RASGRF1: variants seen among roughly 807,000 people sequenced by gnomAD.
The protein encoded by RASGRF1 is Ras protein specific guanine nucleotide releasing factor 1.
In RASGRF1, 40 loss-of-function variants were observed where a neutral mutation model predicts 138.7. The observed-to-expected ratio is 0.29, with a 90% confidence interval of 0.22 to 0.38. The LOEUF (loss-of-function observed/expected upper bound fraction) is 0.38, where lower values mean the gene tolerates loss of function less well. RASGRF1 is among the 10% of genes least tolerant of loss of function. The probability of loss-of-function intolerance (pLI) is 1.00; values close to 1 mark genes in which losing one functional copy is unlikely to be tolerated. For missense variants in RASGRF1, 1,108 were observed against 1,650.4 expected, an observed-to-expected ratio of 0.67 and a Z score of 5.69; for synonymous variants, 614 against 663.2, an observed-to-expected ratio of 0.93 and a Z score of 1.14.
chr15:79,017,760 C>T lies in RASGRF1; in HGVS notation c.1743+10G>A, dbSNP rs186387242. 2.4e-3 allele frequency: 3,814 copies of T among 1,595,658 alleles called. 13 individuals are homozygous for T. The highest frequency in any genetic ancestry group is 2.9e-3 in the Non-Finnish European group (3,381 of 1,172,916). On this transcript the variant is annotated intron_variant, in intron 12 of 26. Coordinates refer to ENST00000558480, the MANE Select transcript of RASGRF1 (RefSeq NM_001145648.3). The stretch of plus-strand genomic sequence containing the variant: ...ACCACTCGCTTTCAGGAACAGGTGA[C>T]GCTACTCACCTGGCTGATGTCACTG...
In RASGRF1 at chr15:78,980,666, C is replaced by A. The variant is rs76319236; in HGVS notation, c.3448G>T (p.Val1150Leu). The A allele has an allele frequency of 1.2e-6, 2 of 1,607,528 alleles. No individual in the cohort carries two copies. The highest frequency in any genetic ancestry group is 2.2e-5 in the East Asian group (1 of 44,688). Reference sequence around the variant, plus strand: ...TTCTTAAATCTGCCCTCAGATGACACAAGCTTTTGGAGCTTATCAATCAAA... The same window carrying A: ...TTCTTAAATCTGCCCTCAGATGACAAAAGCTTTTGGAGCTTATCAATCAAA... Reference protein sequence around the residue: ...KALIDKLQKLVSSEGRFKNLR... With the variant: ...KALIDKLQKLLSSEGRFKNLR... Residue 1150 changes from valine to leucine, a missense_variant, in exon 24 of 27, where the codon GTG becomes TTG. Val to Leu is a conservative substitution (Grantham distance 32, BLOSUM62 1). Transcript: ENST00000558480.
chr15:78,998,855 G>A, intron 17 of RASGRF1, 30 bp from the exon 18 acceptor site: 2 of 1,532,018 alleles, frequency 1.3e-6, no homozygotes, highest in Non-Finnish European at 1.8e-6. Context: ...AGGGGAGAGA[G>A]GACAGGTGAG....
intron 1 of RASGRF1, among the ~76,000 whole-genome samples, chr15:79,076,641 G>T (rs561317889): frequency 6.6e-6 from 1 of 152,210 alleles, no homozygotes; most frequent in Non-Finnish European, 1.5e-5. Context: ...AGTGGCAAGA[G>T]GTGGTGATGG....
intron 5 of RASGRF1, among the ~76,000 whole-genome samples, chr15:79,044,245 C>T (rs2057330944): frequency 6.6e-6 from 1 of 152,172 alleles, no homozygotes; most frequent in South Asian, 2.1e-4. Flanking sequence ...TCAAGTCCCA[C>T]TCTCATCTTT....
intron 6 of RASGRF1, among the ~76,000 whole-genome samples, chr15:79,033,233 T>C (rs562424162): frequency 6.6e-6 from 1 of 152,302 alleles, no homozygotes; most frequent in Non-Finnish European, 1.5e-5. Context: ...ATGTGAAACA[T>C]CTTCCTTATC....
Position 79,015,944 on chromosome 15 carries a change from GGC to G in RASGRF1, c.1744-537_1744-536del, listed in dbSNP as rs532465126. 3.4e-3 allele frequency among the ~76,000 whole-genome samples: 511 copies of G among 152,326 alleles called. 6 individuals are homozygous for G. Among genetic ancestry groups the G allele is most frequent in the African/African-American group, 0.012 (490 of 41,580 alleles). On this transcript the variant is annotated intron_variant, in intron 12 of 26. Transcript: ENST00000558480. ...CCATATGAAGAGTCCATGGGTGTGGGGCCCTGGAGAAGGCAAGGCTGCTGGCG... is the reference window on the plus strand; with the variant it reads ...CCATATGAAGAGTCCATGGGTGTGGGCCTGGAGAAGGCAAGGCTGCTGGCG...
intron 20 of RASGRF1, 131 bp downstream of exon 20, chr15:78,995,609 G>A (rs572307714): frequency 9.2e-5 from 105 of 1,142,378 alleles, no homozygotes; most frequent in Middle Eastern, 2.0e-4. Context: ...GTTTTAAGCC[G>A]CCCAGTTTGT....
Position 79,027,938 on chromosome 15 carries a change from C to A in RASGRF1, c.1263-79G>T. 7.1e-7 allele frequency: 1 copy of A among 1,416,188 alleles called. No individual in the cohort carries two copies. The highest frequency in any genetic ancestry group is 9.9e-7 in the Non-Finnish European group (1 of 1,007,286). 87.7% of individuals were successfully genotyped at this position (1,416,188 alleles called of 1,614,324 possible). A position where few individuals can be genotyped will look rare whatever the true frequency, so the allele number is the denominator to read the frequency against. On this transcript the variant is annotated intron_variant, in intron 8 of 26. Transcript: ENST00000558480. This position sits in a 1 kb window ranked among gnomAD's most constrained non-coding sequence, Gnocchi z 4.8. ...GAGGCGAGAATGCCAGGCTTCTGGCCAGACCTAGGAAGAAAGCCTGGCACA... is the reference window on the plus strand; with the variant it reads ...GAGGCGAGAATGCCAGGCTTCTGGCAAGACCTAGGAAGAAAGCCTGGCACA...
At chr15:79,089,169 G>T (rs1199291406) in intron 1 of RASGRF1, among the ~76,000 whole-genome samples, 1 of 152,248 alleles carries the variant, frequency 6.6e-6, no homozygotes, top group Non-Finnish European at 1.5e-5. Flanking sequence ...CGCTGGGCAA[G>T]TGAATTTCTC....
rs762280013 is a variant in RASGRF1, at chr15:79,032,185, C to T, written c.1090G>A (p.Glu364Lys). The change falls in exon 7 of 27, where the codon GAG (glutamate) becomes AAG (lysine). Residue 364 changes from glutamate (E) to lysine (K), a missense_variant. Coordinates refer to ENST00000558480, the MANE Select transcript of RASGRF1 (RefSeq NM_001145648.3). The surrounding 1 kb of genome is among the most constrained non-coding windows in gnomAD (Gnocchi z 4.5). ...CTCTCCTCGCAGTCAGGCTTGGCCT[C>T]GTAGTGCTTCAGCAGCTTGTCGAAG... ...RDFDKLLKHY[E>K]AKPDCEERTL... 6.2e-6 allele frequency: 10 copies of T among 1,613,964 alleles called. No individual in the cohort carries two copies. The highest frequency in any genetic ancestry group is 2.7e-5 in the African/African-American group (2 of 74,908).
intron 10 of RASGRF1, among the ~76,000 whole-genome samples, chr15:79,024,158 A>C (rs2057010799): frequency 6.6e-6 from 1 of 151,976 alleles, no homozygotes; most frequent in South Asian, 2.1e-4. Context: ...ACACACATAT[A>C]CACATATACC....
rs773617466 is a variant in RASGRF1 at position 79,046,697 on chromosome 15, A to G, written c.878+49T>C. 3.5e-5 allele frequency: 56 copies of G among 1,604,270 alleles called. No homozygotes were observed. The highest frequency in any genetic ancestry group is 1.8e-4 in the Admixed American group (11 of 59,814). ...GTGTGTCAAAGCTTAGCTGCGGCCA[A>G]TGCTCACTAGTCTCCTTCCTGCCTT... On this transcript the variant is annotated intron_variant, in intron 5 of 26. Coordinates refer to ENST00000558480, the MANE Select transcript of RASGRF1 (RefSeq NM_001145648.3). This position sits in a 1 kb window ranked among gnomAD's most constrained non-coding sequence, Gnocchi z 5.3.
In RASGRF1 at chr15:78,960,989, C is replaced by G. The variant is rs1781710166; in HGVS notation, c.*1155G>C. 6.6e-6 allele frequency: 1 copy of G among 152,210 alleles called. No homozygotes were observed. The highest frequency in any genetic ancestry group is 2.4e-5 in the African/African-American group (1 of 41,458). The allele number at this position is 152,210 out of a possible 1,614,324, so 9.4% of individuals were successfully genotyped here. ...ACAAAAATGGAAATTTTTTTCCAAA[C>G]AAGCTGTAAGTTGAAATATTTTAGG... On this transcript the variant is annotated 3_prime_UTR_variant, in exon 27 of 27. Coordinates refer to ENST00000558480, the MANE Select transcript of RASGRF1 (RefSeq NM_001145648.3).
At chr15:78,965,543 C>T (rs2055626766) in intron 26 of RASGRF1, among the ~76,000 whole-genome samples, 2 of 152,140 alleles carry the variant, frequency 1.3e-5, no homozygotes, top group Admixed American at 1.3e-4. Flanking sequence ...ACCCATCCCA[C>T]ACTGGTATAA....
At chr15:79,012,622 A>T (rs2056817915) in intron 13 of RASGRF1, 1 of 1,527,668 alleles carries the variant, frequency 6.5e-7, no homozygotes, top group African/African-American at 1.4e-5. Context: ...CACCATCATT[A>T]TTCAAAATTT....
chr15:78,986,283 T>C (rs1168574873), intron 22 of RASGRF1, among the ~76,000 whole-genome samples: 1 of 151,546 alleles, frequency 6.6e-6, no homozygotes, highest in Non-Finnish European at 1.5e-5. Context: ...GGAATTAGAA[T>C]TGCAAGGAGC....
chr15:79,044,304 C>T (rs2057331752), intron 5 of RASGRF1, among the ~76,000 whole-genome samples: 1 of 152,262 alleles, frequency 6.6e-6, no homozygotes, highest in African/African-American at 2.4e-5. Flanking sequence ...CTTTCCTCCT[C>T]CTCCTCCTCC....
At chr15:79,064,717 G>A (rs1023155034) in intron 1 of RASGRF1, 191 bp from the exon 2 acceptor site, 23 of 600,618 alleles carry the variant, frequency 3.8e-5, no homozygotes, top group Admixed American at 5.8e-5. Flanking sequence ...CTTTTGTATC[G>A]TGTAACAGAG....
chr15:79,068,571 C>T (rs2057711471), intron 1 of RASGRF1, among the ~76,000 whole-genome samples: 1 of 146,564 alleles, frequency 6.8e-6, no homozygotes, highest in African/African-American at 2.5e-5. Flanking sequence ...ATCGATGTAT[C>T]ATATATATAT....
Sources: gnomAD v4.1 joint callset for allele counts (sites outside exome capture counted in the v4.1 genomes callset) on GRCh38, gnomAD v4.1.1 for gene constraint, Gnocchi (gnomAD v3.1) non-coding constraint, MANE v1.5 for transcripts, NCBI Gene and HGNC (gene_info 2026-07-23, HGNC 2026-07-21) for gene names.